Variants in GRM7 observed in about 807,000 individuals in gnomAD.
The protein encoded by GRM7 is metabotropic glutamate receptor 7.
A neutral mutation model predicts 84.5 loss-of-function variants in GRM7; 35 were observed. That is an observed-to-expected ratio of 0.41 (90% confidence interval 0.32 to 0.55). The LOEUF (loss-of-function observed/expected upper bound fraction) is 0.55. Among genes scored for constraint, GRM7 ranks in the 20% least tolerant of loss-of-function variants. GRM7 has a pLI of 0.19. For synonymous variants in GRM7, 487 were observed against 455.1 expected, an observed-to-expected ratio of 1.07 and a Z score of -0.89; for missense variants, 1,003 against 1,194.6, an observed-to-expected ratio of 0.84 and a Z score of 2.36.
At chr3:7,410,009 T>A (rs573052371) in intron 4 of GRM7, among the ~76,000 whole-genome samples, 1 of 152,276 alleles carries the variant, frequency 6.6e-6, no homozygotes, top group African/African-American at 2.4e-5. Context: ...CAACAGCACA[T>A]GAGAGAGATG....
intron 1 of GRM7, among the ~76,000 whole-genome samples, chr3:6,973,235 G>T (rs1693833524): frequency 6.6e-6 from 1 of 151,828 alleles, no homozygotes; most frequent in African/African-American, 2.4e-5. Context: ...CATTATTATT[G>T]TTATTATGCC....
intron 1 of GRM7, among the ~76,000 whole-genome samples, chr3:7,073,345 A>G (rs1697951908): frequency 6.6e-6 from 1 of 152,090 alleles, no homozygotes; most frequent in African/African-American, 2.4e-5. Context: ...TGGCACTATA[A>G]CTTGAAAATA....
intron 1 of GRM7, among the ~76,000 whole-genome samples, chr3:7,120,990 T>G (rs997500107): frequency 1.3e-5 from 2 of 152,126 alleles, no homozygotes; most frequent in South Asian, 2.1e-4. Flanking sequence ...TATTGTGGGG[T>G]TTTTTTCTTC....
At chr3:7,164,943 A>C (rs17046925) in intron 2 of GRM7, among the ~76,000 whole-genome samples, 1,636 of 152,278 alleles carry the variant, frequency 0.011, 25 homozygotes, top group African/African-American at 0.037. Context: ...AGAAACTAAA[A>C]AGGAGTCTTC....
At chr3:7,318,071 G>GA (rs530758969) in intron 4 of GRM7, among the ~76,000 whole-genome samples, 20 of 151,998 alleles carry the variant, frequency 1.3e-4, no homozygotes, top group African/African-American at 4.3e-4. Context: ...AGAAAAAGGA[G>GA]AAAAAAATCA....
intron 4 of GRM7, among the ~76,000 whole-genome samples, chr3:7,386,177 A>G (rs913800952): frequency 3.3e-5 from 5 of 152,192 alleles, no homozygotes; most frequent in Non-Finnish European, 2.9e-5. Flanking sequence ...TATTTTTTTG[A>G]TCTAGATGTT....
Position 7,158,203 on chromosome 3 carries a change from TTACTATTCTGTCA to T in GRM7, c.736+11538_736+11550del, listed in dbSNP as rs138470957. ...ATTGAAATGCAAACGTAGGTAAGGG[TTACTATTCTGTCA>T]TAAAACAAACTTCCACAAGTAGGCT... On this transcript the variant is annotated intron_variant, in intron 2 of 9. Coordinates refer to ENST00000357716, the MANE Select transcript of GRM7 (RefSeq NM_000844.4). Among the ~76,000 whole-genome samples the T allele has an allele frequency of 6.5e-3, 992 of 152,232 alleles. 11 individuals carry two copies. The highest frequency in any genetic ancestry group is 0.023 in the African/African-American group (958 of 41,522).
chr3:7,265,530 A>G (rs1006330000), intron 2 of GRM7, among the ~76,000 whole-genome samples: 7 of 152,204 alleles, frequency 4.6e-5, no homozygotes, highest in Admixed American at 2.6e-4. Context: ...CAGTTCTGTC[A>G]TCCAGAGGTG....
At chr3:7,113,879 A>G (rs1692943442) in intron 1 of GRM7, among the ~76,000 whole-genome samples, 1 of 152,166 alleles carries the variant, frequency 6.6e-6, no homozygotes, top group South Asian at 2.1e-4. Flanking sequence ...TATACTGACA[A>G]GTGATTTACT....
intron 1 of GRM7, among the ~76,000 whole-genome samples, chr3:7,135,182 A>G (rs552073146): frequency 2.7e-4 from 41 of 152,238 alleles, no homozygotes; most frequent in Non-Finnish European, 5.0e-4. Flanking sequence ...AATTACCCCC[A>G]AATTAGAATT....
At chr3:7,093,566 A>C (rs745982668) in intron 1 of GRM7, among the ~76,000 whole-genome samples, 24 of 150,628 alleles carry the variant, frequency 1.6e-4, no homozygotes, top group Non-Finnish European at 3.0e-4. Context: ...AATCCCACCT[A>C]CTCGGGGGGC....
At chr3:7,066,102 G>A (rs1482939521) in intron 1 of GRM7, among the ~76,000 whole-genome samples, 1 of 151,448 alleles carries the variant, frequency 6.6e-6, no homozygotes, top group Non-Finnish European at 1.5e-5. Flanking sequence ...GACAATCTAA[G>A]GTCACACCTC....
In GRM7 at chr3:7,221,133, C is replaced by CA. The variant is rs1236492660; in HGVS notation, c.736+74472dup. On this transcript the variant is annotated intron_variant, in intron 2 of 9. Transcript: ENST00000357716. ...AACAAAAGAAAAGAAAACAAACAAA[C>CA]AAAAAAACACAAAAACCAAAGAAAC... 2.6e-4 allele frequency among the ~76,000 whole-genome samples: 39 copies of CA among 151,696 alleles called. No individual in the cohort carries two copies. The East Asian group carries it at 7.4e-3, about 29-fold the overall frequency.
At chr3:7,697,220 T>C (rs1201523825) in intron 9 of GRM7, among the ~76,000 whole-genome samples, 1 of 152,194 alleles carries the variant, frequency 6.6e-6, no homozygotes. Context: ...ATATACCTAA[T>C]TTTTAAAAAT....
chr3:7,306,810 G>T (rs146888962), intron 4 of GRM7, among the ~76,000 whole-genome samples, 158 bp downstream of exon 4: 1 of 152,266 alleles, frequency 6.6e-6, no homozygotes, highest in Admixed American at 6.5e-5. Context: ...CACACACCTG[G>T]TCTGTTCTTT....
chr3:7,005,670 G>A (rs1445421828), intron 1 of GRM7, among the ~76,000 whole-genome samples: 9 of 152,168 alleles, frequency 5.9e-5, no homozygotes, highest in Admixed American at 6.5e-5. Context: ...TAAGCCTCTT[G>A]CAATAGCAAG....
intron 1 of GRM7, among the ~76,000 whole-genome samples, chr3:7,033,281 A>C (rs1696254132): frequency 6.6e-6 from 1 of 152,140 alleles, no homozygotes; most frequent in Non-Finnish European, 1.5e-5. Context: ...ATATCTGCAA[A>C]GACCCAATTT....
intron 5 of GRM7, among the ~76,000 whole-genome samples, chr3:7,429,982 G>T (rs1469181184): frequency 3.3e-5 from 5 of 152,116 alleles, no homozygotes; most frequent in African/African-American, 1.2e-4. Flanking sequence ...AGAATTAGCT[G>T]CAGTTTACAA....
chr3:7,237,621 C>T (rs938891871), intron 2 of GRM7, among the ~76,000 whole-genome samples: 1 of 152,112 alleles, frequency 6.6e-6, no homozygotes, highest in Non-Finnish European at 1.5e-5. Context: ...AGTGAAGCCG[C>T]AGACCTTTGC....
Sources: allele counts gnomAD v4.1 joint callset (sites outside exome capture counted in the v4.1 genomes callset), GRCh38; gene constraint gnomAD v4.1.1; transcripts MANE v1.5; gene names NCBI Gene and HGNC (gene_info 2026-07-23, HGNC 2026-07-21).